NCF2: variants seen among roughly 807,000 people sequenced by gnomAD.
The protein encoded by NCF2 is neutrophil cytosolic factor 2.
NCF2 carries 45 observed loss-of-function variants against 70.9 expected under a neutral mutation model. That is an observed-to-expected ratio of 0.63 (90% CI 0.50 to 0.81). The LOEUF (loss-of-function observed/expected upper bound fraction) is 0.81, where lower values mean the gene tolerates loss of function less well. NCF2 is among the 40% of genes least tolerant of loss of function. The pLI is 0.00. For missense variants in NCF2, 522 were observed against 631.6 expected, an observed-to-expected ratio of 0.83 and a Z score of 1.86; for synonymous variants, 203 against 233.6, an observed-to-expected ratio of 0.87 and a Z score of 1.19.
chr1:183,563,173 AG>A (rs762351295), intron 13 of NCF2, 21 bp downstream of exon 13: 14 of 1,603,886 alleles, frequency 8.7e-6, no homozygotes, highest in Non-Finnish European at 1.1e-5. Flanking sequence ...ATGTAACTTT[AG>A]ATGCCCCTCA....
At chr1:183,599,484 C>CTTTCTTTCTTTCTTTCT in the NCF2 span, among the ~76,000 whole-genome samples, 164 of 40,690 alleles carry the variant, frequency 4.0e-3, 1 homozygote, top group African/African-American at 8.1e-3. Context: ...CTTTCTTTCT[C>CTTTCTTTCTTTCTTTCT]TTTTCTTTCT....
In NCF2 at chr1:183,574,571, T is replaced by C; in HGVS notation, c.417A>G (p.Lys139=). The change falls in exon 4 of 15, where the codon AAA becomes AAG. Residue 139 remains lysine, a synonymous_variant. Coordinates refer to ENST00000367535, the MANE Select transcript of NCF2 (RefSeq NM_000433.4). The stretch of plus-strand genomic sequence containing the variant: ...TGGCCAATGCTAACTGTTCTTCAGC[T>C]TTTTTCCATTCCTCCTTCTTGGCAT... ...FMYAKKEEWK[K]AEEQLALATS... The C allele has an allele frequency of 6.2e-7, 1 of 1,614,184 alleles. No individual in the cohort carries two copies. The highest frequency in any genetic ancestry group is 8.5e-7 in the Non-Finnish European group (1 of 1,180,014).
At chr1:183,563,151 G>C in intron 13 of NCF2, 44 bp downstream of exon 13, 1 of 1,543,746 alleles carries the variant, frequency 6.5e-7, no homozygotes, top group Admixed American at 1.7e-5. Flanking sequence ...TTGAGGAAGT[G>C]GCTCAGTGGA....
At chr1:183,590,658 G>A (rs1044565153), upstream of NCF2, 1 of 386,260 alleles carries the variant, frequency 2.6e-6, no homozygotes, top group East Asian at 6.2e-5. Context: ...TCCCCAAAAT[G>A]CTTCTGCTCT....
the NCF2 span, among the ~76,000 whole-genome samples, chr1:183,601,409 C>T: frequency 9.2e-5 from 14 of 152,176 alleles, no homozygotes; most frequent in South Asian, 2.1e-4. Context: ...TCATTTCACA[C>T]GTCTGTAAAC....
chr1:183,598,004 G>A, the NCF2 span: 1 of 152,230 alleles, frequency 6.6e-6, no homozygotes, highest in African/African-American at 2.4e-5. Context: ...TGTCTCCTGT[G>A]ATTCAGGATT....
At position 183,586,999 on chromosome 1, in the gene NCF2, C is replaced by A. The variant is rs1194894373; in HGVS notation, c.175-22G>T. On this transcript the variant is annotated intron_variant, in intron 1 of 14. Coordinates refer to ENST00000367535, the MANE Select transcript of NCF2 (RefSeq NM_000433.4). Reference sequence around the variant, plus strand: ...AGGCCTGAGGAGAGAAGGGTCCAGACATGGCCATGATGCAAGGCAGTGAGG... The same window carrying A: ...AGGCCTGAGGAGAGAAGGGTCCAGAAATGGCCATGATGCAAGGCAGTGAGG... 4 of 1,604,880 alleles carry A rather than the reference C, an allele frequency of 2.5e-6. No homozygotes were observed. In the Admixed American group the frequency reaches 6.7e-5, roughly 27 times the overall value.
rs768016299 is a variant in NCF2, at chr1:183,590,139, G to A, written c.174+17C>T. ...CAAATGCACAGAGGAGGCCCGGAAA[G>A]AGGCACCTCCACTCACCTTCTCTGC... On this transcript the variant is annotated intron_variant, in intron 1 of 14. Coordinates refer to ENST00000367535, the MANE Select transcript of NCF2 (RefSeq NM_000433.4). 6.2e-7 allele frequency: 1 copy of A among 1,614,010 alleles called. No individual in the cohort carries two copies. The highest frequency in any genetic ancestry group is 8.5e-7 in the Non-Finnish European group (1 of 1,180,000).
Position 183,577,599 on chromosome 1 carries a change from C to G in NCF2, c.366G>C (p.Glu122Asp), listed in dbSNP as rs1182112229. Residue 122 changes from glutamate (E) to aspartate (D), a missense_variant and splice_region_variant, in exon 3 of 15, where the codon GAG (glutamate) becomes GAC (aspartate). Coordinates refer to ENST00000367535, the MANE Select transcript of NCF2 (RefSeq NM_000433.4). ...LGLQFKLFACEVLYNIAFMYA... is the reference protein window; with the variant it reads ...LGLQFKLFACDVLYNIAFMYA... ...CCAGGCCAGGCCCTGTTCTCCTTAC[C>G]TCACAGGCAAACAGCTTGAACTGGA... 6 of 1,606,862 alleles carry G rather than the reference C, an allele frequency of 3.7e-6. No homozygotes were observed. The highest frequency in any genetic ancestry group is 4.3e-6 in the Non-Finnish European group (5 of 1,173,558).
intron 13 of NCF2, among the ~76,000 whole-genome samples, chr1:183,562,427 G>T (rs1408896642): frequency 6.6e-6 from 1 of 152,102 alleles, no homozygotes; most frequent in African/African-American, 2.4e-5. Flanking sequence ...GGGGCCTTTT[G>T]TCTCAGCCAG....
chr1:183,599,780 T>A, the NCF2 span, among the ~76,000 whole-genome samples: 1 of 152,068 alleles, frequency 6.6e-6, no homozygotes, highest in Non-Finnish European at 1.5e-5. Flanking sequence ...CTCAAACTCC[T>A]GACCTCAGGT....
intron 14 of NCF2, among the ~76,000 whole-genome samples, chr1:183,556,937 T>C (rs1051050593): frequency 1.3e-5 from 2 of 152,216 alleles, no homozygotes; most frequent in Admixed American, 1.3e-4. Context: ...ATGAAAGTTC[T>C]TTAGTAAACT....
intron 7 of NCF2, 179 bp from the exon 8 acceptor site, chr1:183,567,524 G>A: frequency 1.2e-6 from 1 of 813,810 alleles, no homozygotes; most frequent in East Asian, 2.5e-5. Flanking sequence ...CAAGAAACTG[G>A]TGTACACCTG....
At chr1:183,567,901 G>A (rs763888116) in intron 7 of NCF2, among the ~76,000 whole-genome samples, 13 of 152,156 alleles carry the variant, frequency 8.5e-5, no homozygotes, top group Non-Finnish European at 1.8e-4. Context: ...GTGGTGCAGT[G>A]TCGGTTCCCT....
intron 1 of NCF2, among the ~76,000 whole-genome samples, chr1:183,587,924 TA>T (rs1175930034): frequency 6.6e-6 from 1 of 152,186 alleles, no homozygotes; most frequent in East Asian, 1.9e-4. Flanking sequence ...CCTTTTTCAT[TA>T]GTGTAGCTTT....
intron 2 of NCF2, 21 bp from the exon 3 acceptor site, chr1:183,577,728 A>G: frequency 6.6e-7 from 1 of 1,507,054 alleles, no homozygotes; most frequent in Non-Finnish European, 9.2e-7. Context: ...GAGGGAGAAA[A>G]TACAGCAGTC....
At chr1:183,559,702 C>G (rs1452341369) in intron 14 of NCF2, among the ~76,000 whole-genome samples, 1 of 152,018 alleles carries the variant, frequency 6.6e-6, no homozygotes, top group East Asian at 1.9e-4. Context: ...CTACTAAATA[C>G]ACAAAAATTA....
rs1276695376 is a variant in NCF2 at position 183,574,560 on chromosome 1, T to C, written c.428A>G (p.Gln143Arg). The change falls in exon 4 of 15, where the codon CAG (glutamine) becomes CGG (arginine). Residue 143 changes from glutamine (Q) to arginine (R), a missense_variant. By Grantham distance (43) the Gln-to-Arg change is conservative. Transcript: ENST00000367535. ...CTTCATGCTCGTGGCCAATGCTAAC[T>C]GTTCTTCAGCTTTTTTCCATTCCTC... ...KKEEWKKAEE[Q>R]LALATSMKSE... 6.2e-7 allele frequency: 1 copy of C among 1,614,086 alleles called. No homozygotes were observed. The highest frequency in any genetic ancestry group is 1.7e-5 in the Admixed American group (1 of 59,996).
Position 183,590,317 on chromosome 1 carries a change from C to T in NCF2, c.13G>A (p.Glu5Lys). 2.5e-6 allele frequency: 4 copies of T among 1,614,082 alleles called. No homozygotes were observed. The highest frequency in any genetic ancestry group is 3.4e-6 in the Non-Finnish European group (4 of 1,179,996). ...CCTTCATTCCAGAGGCTGATGGCCT[C>T]CACCAGGGACATGATTAGGTAGAAA... MSLVEAISLWNEGVL... is the reference protein window; with the variant it reads MSLVKAISLWNEGVL... The change falls in exon 1 of 15, where the codon GAG becomes AAG. Residue 5 changes from glutamate to lysine, a missense_variant. Physicochemically the swap from Glu to Lys is moderately conservative, Grantham distance 56. Coordinates refer to ENST00000367535, the MANE Select transcript of NCF2 (RefSeq NM_000433.4).
Sources: allele counts gnomAD v4.1 joint callset (sites outside exome capture counted in the v4.1 genomes callset), GRCh38; gene constraint gnomAD v4.1.1; transcripts MANE v1.5; gene names NCBI Gene and HGNC (gene_info 2026-07-23, HGNC 2026-07-21).